Variants in IGFBP3 observed in about 807,000 individuals in gnomAD.
The protein encoded by IGFBP3 is insulin-like growth factor-binding protein 3.
IGFBP3 carries 9 observed loss-of-function variants against 28.6 expected under a neutral mutation model. The ratio of observed to expected loss-of-function variants is 0.31; its 90% CI spans 0.19 to 0.55. The LOEUF is 0.55. IGFBP3 is among the 20% of genes least tolerant of loss of function. The pLI, the probability that IGFBP3 is intolerant of heterozygous loss-of-function variation, is 0.93. For synonymous variants in IGFBP3, 185 were observed against 188.2 expected (o/e 0.98, Z 0.14); for missense variants, 382 against 428.9 (o/e 0.89, Z 0.97).
At chr7:45,920,025 A>C (rs1375172862) in intron 1 of IGFBP3, 1 of 150,508 alleles carries the variant, frequency 6.6e-6, no homozygotes, top group East Asian at 2.0e-4. Flanking sequence ...CCCACCACGC[A>C]CCTGGAAGTT....
intron 3 of IGFBP3, among the ~76,000 whole-genome samples, chr7:45,916,237 T>G (rs969843592): frequency 4.6e-5 from 7 of 152,202 alleles, no homozygotes; most frequent in African/African-American, 1.7e-4. Flanking sequence ...CATGTCCACT[T>G]GCAGTTTATA....
At chr7:45,914,584 C>T in intron 4 of IGFBP3, 1 of 447,746 alleles carries the variant, frequency 2.2e-6, no homozygotes, top group Non-Finnish European at 4.1e-6. Context: ...GGTGCACTGG[C>T]CGGCCTCCTT....
At chr7:45,920,346 A>C in intron 1 of IGFBP3, 1 of 116,046 alleles carries the variant, frequency 8.6e-6, no homozygotes, top group Non-Finnish European at 1.5e-5. Flanking sequence ...AAATCCGCCT[A>C]TATCCCCCCC....
chr7:45,912,290 TAATAA>T lies in IGFBP3; in HGVS notation c.*1555_*1559del, dbSNP rs879562345. The T allele has an allele frequency of 1.3e-5, 2 of 150,300 alleles. No homozygotes were observed. Among genetic ancestry groups the T allele is most frequent in the East Asian group, 1.9e-4 (1 of 5,194 alleles). The allele number at this position is 150,300 out of a possible 1,614,324, so 9.3% of individuals were successfully genotyped here. A position where few individuals can be genotyped will look rare whatever the true frequency, so the allele number is the denominator to read the frequency against. ...TTATTATAATAAAATAATTATTATA[TAATAA>T]AATAAAATAATTAGTGATACAAAGC... On this transcript the variant is annotated 3_prime_UTR_variant, in exon 5 of 5. Coordinates refer to ENST00000613132, the MANE Select transcript of IGFBP3 (RefSeq NM_000598.5).
chr7:45,919,963 A>T (rs1240371360), intron 1 of IGFBP3: 1 of 140,814 alleles, frequency 7.1e-6, no homozygotes, highest in Non-Finnish European at 1.5e-5. Context: ...CCTAGGACTG[A>T]TTCCAATTCC....
Position 45,921,260 on chromosome 7 carries a change from A to G in IGFBP3, c.-120T>C, listed in dbSNP as rs1005859233. 1.7e-5 allele frequency: 21 copies of G among 1,220,886 alleles called. No individual in the cohort carries two copies. In the East Asian group the frequency reaches 5.7e-4, roughly 33 times the overall value. The allele number at this position is 1,220,886 out of a possible 1,614,324, so 75.6% of individuals were successfully genotyped here. ...CGGCTGATCCTCAGCGCCCAGCCGC[A>G]GTGCTCGCATCTGGGCGGCCCGGGC... On this transcript the variant is annotated 5_prime_UTR_variant, in exon 1 of 5. Coordinates refer to ENST00000613132, the MANE Select transcript of IGFBP3 (RefSeq NM_000598.5).
rs189930269 is a variant in IGFBP3 at position 45,916,721 on chromosome 7, T to A, written c.631-54A>T. 385 of 1,578,052 alleles carry A rather than the reference T, an allele frequency of 2.4e-4. 1 individual carries two copies. The African/African-American group carries it at 4.7e-3, about 19-fold the overall frequency. On this transcript the variant is annotated intron_variant, in intron 2 of 4. Coordinates refer to ENST00000613132, the MANE Select transcript of IGFBP3 (RefSeq NM_000598.5). ...GAGTCACAGTTTTTACTCTAGAATG[T>A]GTGCTTTAAAAATCTTACGATGCTG...
rs1012446441 is a variant in IGFBP3, at chr7:45,915,354, T to C, written c.751-409A>G. On this transcript the variant is annotated intron_variant, in intron 3 of 4. Transcript: ENST00000613132. ...TCAGTATGACTTTGTTGAATGAATA[T>C]GACTTTGACAGAAAACGTGGGTATA... 1.7e-5 allele frequency: 3 copies of C among 180,512 alleles called. No homozygotes were observed. The East Asian group carries it at 4.7e-4, about 28-fold the overall frequency. 11.2% of individuals were successfully genotyped at this position (180,512 alleles called of 1,614,324 possible). A position where few individuals can be genotyped will look rare whatever the true frequency, so the allele number is the denominator to read the frequency against.
In IGFBP3 at chr7:45,920,919, T is replaced by A. The variant is rs1441534144; in HGVS notation, c.222A>T (p.Ala74=). 7.0e-7 allele frequency: 1 copy of A among 1,425,818 alleles called. No individual in the cohort carries two copies. The highest frequency in any genetic ancestry group is 9.1e-7 in the Non-Finnish European group (1 of 1,096,438). The allele number at this position is 1,425,818 out of a possible 1,614,324, so 88.3% of individuals were successfully genotyped here. A position where few individuals can be genotyped will look rare whatever the true frequency, so the allele number is the denominator to read the frequency against. The change falls in exon 1 of 5, where the codon GCA becomes GCT. Residue 74 remains alanine, a synonymous_variant. Coordinates refer to ENST00000613132, the MANE Select transcript of IGFBP3 (RefSeq NM_000598.5). ...TGCCGCACGGCTGGCCCTCGCTCAG[T>A]GCGCACGTCAGGCAGCAGCCGCAGC... The part of the protein sequence containing the change: ...EPGCGCCLTC[A]LSEGQPCGIY...
At chr7:45,916,864 G>C (rs1466959770) in intron 2 of IGFBP3, 197 bp from the exon 3 acceptor site, 1 of 585,692 alleles carries the variant, frequency 1.7e-6, no homozygotes, top group African/African-American at 1.9e-5. Context: ...GCTCTTCCCA[G>C]AGTAAGGCAC....
At chr7:45,919,942 A>C (rs1784661698) in intron 1 of IGFBP3, 1 of 144,308 alleles carries the variant, frequency 6.9e-6, no homozygotes, top group African/African-American at 2.6e-5. Context: ...CAGATTAAGA[A>C]GGGAGACAGC....
At chr7:45,914,147 G>T (rs1784577899) in intron 4 of IGFBP3, 1 of 152,156 alleles carries the variant, frequency 6.6e-6, no homozygotes, top group South Asian at 2.1e-4. Context: ...GAAAGAAAAT[G>T]TATTTATTCC....
intron 1 of IGFBP3, among the ~76,000 whole-genome samples, chr7:45,918,087 T>C (rs944143701): frequency 1.3e-5 from 2 of 152,194 alleles, no homozygotes; most frequent in African/African-American, 4.8e-5. Context: ...CATGCAAGCA[T>C]GTTGGTGGCT....
In IGFBP3 at chr7:45,916,637, G is replaced by A; in HGVS notation, c.661C>T (p.Leu221=). 1.2e-6 allele frequency: 2 copies of A among 1,613,320 alleles called. No homozygotes were observed. Among genetic ancestry groups the A allele is most frequent in the Non-Finnish European group, 1.7e-6 (2 of 1,179,330 alleles). ...ACATTGAGGAACTTCAGGTGATTCAGTGTGTCTTCCATTTCTCTACGGCAG... is the reference window on the plus strand; with the variant it reads ...ACATTGAGGAACTTCAGGTGATTCAATGTGTCTTCCATTTCTCTACGGCAG... ...GPCRREMEDT[L]NHLKFLNVLS... is the part of the protein sequence containing the mutation. Residue 221 remains leucine (L), a synonymous_variant, in exon 3 of 5, where the codon CTG becomes TTG. Transcript: ENST00000613132.
At chr7:45,915,574 A>C (rs1784598607) in intron 3 of IGFBP3, among the ~76,000 whole-genome samples, 1 of 152,172 alleles carries the variant, frequency 6.6e-6, no homozygotes. Context: ...AAGCCTATAG[A>C]AGCATATTTA....
chr7:45,920,815 T>C lies in IGFBP3; in HGVS notation c.326A>G (p.Asp109Gly). The C allele has an allele frequency of 1.4e-6, 2 of 1,407,388 alleles. No individual in the cohort carries two copies. The highest frequency in any genetic ancestry group is 1.5e-5 in the South Asian group (1 of 66,332). 87.2% of individuals were successfully genotyped at this position (1,407,388 alleles called of 1,614,324 possible). The change falls in exon 1 of 5, where the codon GAC becomes GGC. Residue 109 changes from aspartate (D) to glycine (G), a missense_variant. Asp to Gly is a moderately conservative substitution (Grantham distance 94, BLOSUM62 -1). Transcript: ENST00000613132. ...AGCGTTGACGCAGAGCCCGCGGCCG[T>C]CCAGCAGCGCCTGCAGCGGTCGCGC... ...DEARPLQALL[D>G]GRGLCVNASA...
In IGFBP3 at chr7:45,920,760, C is replaced by T; in HGVS notation, c.381G>A (p.Leu127=). The T allele has an allele frequency of 7.0e-7, 1 of 1,421,492 alleles. No homozygotes were observed. Among genetic ancestry groups the T allele is most frequent in the Non-Finnish European group, 9.1e-7 (1 of 1,095,944 alleles). The allele number at this position is 1,421,492 out of a possible 1,614,324, so 88.1% of individuals were successfully genotyped here. Reference sequence around the variant, plus strand: ...CACCTGGAGCTGGCGGCGCTGGCAGCAGGTAGGCGCGCAGGCGGCTGACGG... The same window carrying T: ...CACCTGGAGCTGGCGGCGCTGGCAGTAGGTAGGCGCGCAGGCGGCTGACGG... ...ASAVSRLRAY[L]LPAPPAPGNA... Residue 127 remains leucine (L), a synonymous_variant, in exon 1 of 5, where the codon CTG becomes CTA. Transcript: ENST00000613132.
intron 3 of IGFBP3, chr7:45,915,227 GAC>G: frequency 2.8e-6 from 1 of 358,356 alleles, no homozygotes; most frequent in Non-Finnish European, 5.2e-6. Context: ...AGAACCTCTT[GAC>G]TGACTTCTCT....
rs866046541 is a variant in IGFBP3 at position 45,916,612 on chromosome 7, A to C, written c.686T>G (p.Val229Gly). ...AATGTGTACACCCCTGGGACTCAGC[A>C]CATTGAGGAACTTCAGGTGATTCAG... ...DTLNHLKFLN[V>G]LSPRGVHIPN... The change falls in exon 3 of 5, where the codon GTG becomes GGG. Residue 229 changes from valine (V) to glycine (G), a missense_variant. By Grantham distance (109) the Val-to-Gly change is moderately radical. Transcript: ENST00000613132. The C allele has an allele frequency of 3.7e-6, 6 of 1,613,620 alleles. No individual in the cohort carries two copies. Among genetic ancestry groups the C allele is most frequent in the Non-Finnish European group, 4.2e-6 (5 of 1,179,554 alleles).
Sources: gnomAD v4.1 joint callset for allele counts (sites outside exome capture counted in the v4.1 genomes callset) on GRCh38, gnomAD v4.1.1 for gene constraint, MANE v1.5 for transcripts, NCBI Gene and HGNC (gene_info 2026-07-23, HGNC 2026-07-21) for gene names.